Variants in ROS1 observed in about 807,000 individuals in gnomAD.
ROS1 encodes the protein proto-oncogene tyrosine-protein kinase ROS.
ROS1 carries 263 observed loss-of-function variants against 273.5 expected under a neutral mutation model. That is an observed-to-expected ratio of 0.96 (90% CI 0.87 to 1.06). The LOEUF (loss-of-function observed/expected upper bound fraction) is 1.06, where lower values mean the gene tolerates loss of function less well. Among genes scored for constraint, ROS1 ranks in the 50% least tolerant of loss-of-function variants. The pLI, the probability that ROS1 is intolerant of heterozygous loss-of-function variation, is 0.00. For synonymous variants in ROS1, 1,008 were observed against 954.1 expected (o/e 1.06, Z -1.04); for missense variants, 2,833 against 2,751.1 (o/e 1.03, Z -0.67).
intron 24 of ROS1, among the ~76,000 whole-genome samples, chr6:117,358,606 C>T (rs1386102776): frequency 3.3e-5 from 5 of 151,944 alleles, no homozygotes; most frequent in African/African-American, 4.8e-5. Context: ...ACTACAGGTG[C>T]GCACCACCAC....
intron 32 of ROS1, among the ~76,000 whole-genome samples, chr6:117,335,392 T>G (rs9385006): frequency 0.79 from 119,670 of 152,140 alleles, 47,292 homozygotes; most frequent in African/African-American, 0.84. Context: ...CTGTTGGTGG[T>G]AAAGTAAATT....
chr6:117,332,208 A>C (rs1209820911), intron 32 of ROS1, among the ~76,000 whole-genome samples: 1 of 152,204 alleles, frequency 6.6e-6, no homozygotes, highest in Non-Finnish European at 1.5e-5. Context: ...GTCTCTGACA[A>C]AACAGACTTT....
chr6:117,302,815 A>G (rs532721498), intron 42 of ROS1, among the ~76,000 whole-genome samples: 229 of 152,252 alleles, frequency 1.5e-3, no homozygotes, highest in African/African-American at 5.2e-3. Flanking sequence ...CCACTCAATG[A>G]TCTCTTTGTA....
At chr6:117,309,683 T>C (rs1385682740) in intron 41 of ROS1, among the ~76,000 whole-genome samples, 1 of 152,156 alleles carries the variant, frequency 6.6e-6, no homozygotes. Context: ...AGTGTCCTAA[T>C]CTTTTAGGAT....
At chr6:117,405,748 CTCCA>C (rs1159542967) in intron 5 of ROS1, among the ~76,000 whole-genome samples, 1 of 151,992 alleles carries the variant, frequency 6.6e-6, no homozygotes, top group Non-Finnish European at 1.5e-5. Flanking sequence ...CTAGACTGAG[CTCCA>C]TCCTATTTTC....
chr6:117,300,674 G>A (rs923814106), intron 43 of ROS1, among the ~76,000 whole-genome samples: 3 of 152,104 alleles, frequency 2.0e-5, no homozygotes, highest in African/African-American at 7.2e-5. Flanking sequence ...ACTGGTGTGT[G>A]GGGGGAGAAG....
At chr6:117,341,806 G>A (rs112908795) in intron 29 of ROS1, among the ~76,000 whole-genome samples, 174 bp from the exon 30 acceptor site, 1 of 152,104 alleles carries the variant, frequency 6.6e-6, no homozygotes, top group Non-Finnish European at 1.5e-5. Flanking sequence ...TGCCTAAAAG[G>A]CTCCCACTTA....
At chr6:117,299,011 AGC>A (rs1774471693) in intron 43 of ROS1, among the ~76,000 whole-genome samples, 2 of 140,424 alleles carry the variant, frequency 1.4e-5, no homozygotes, top group African/African-American at 5.4e-5. Flanking sequence ...ATATATAGAG[AGC>A]CCCCCAAAAG....
At chr6:117,385,545 G>A in intron 16 of ROS1, 138 bp downstream of exon 16, 1 of 752,580 alleles carries the variant, frequency 1.3e-6, no homozygotes. Context: ...TAAGTGACTT[G>A]GTTTAAAGAT....
intron 32 of ROS1, among the ~76,000 whole-genome samples, chr6:117,333,910 A>G (rs969680103): frequency 1.3e-5 from 2 of 152,196 alleles, no homozygotes; most frequent in African/African-American, 4.8e-5. Flanking sequence ...CAAAACCTGG[A>G]AGAATTCCCT....
chr6:117,351,350 T>A (rs573205566), intron 27 of ROS1, among the ~76,000 whole-genome samples: 2 of 152,256 alleles, frequency 1.3e-5, no homozygotes, highest in Admixed American at 1.3e-4. Context: ...GTGATTAGTG[T>A]ATCTTGAATG....
chr6:117,397,419 C>T, intron 7 of ROS1, among the ~76,000 whole-genome samples: 1 of 151,990 alleles, frequency 6.6e-6, no homozygotes, highest in East Asian at 1.9e-4. Flanking sequence ...TCTCTAGAGA[C>T]TTAAATGAGT....
At chr6:117,334,996 C>T (rs1447348690) in intron 32 of ROS1, among the ~76,000 whole-genome samples, 3 of 152,160 alleles carry the variant, frequency 2.0e-5, no homozygotes, top group African/African-American at 7.2e-5. Context: ...CAAATGGGAT[C>T]TAACTAAACT....
chr6:117,373,494 G>A (rs1352747086), intron 18 of ROS1, among the ~76,000 whole-genome samples: 15 of 152,236 alleles, frequency 9.9e-5, no homozygotes, highest in Admixed American at 9.8e-4. Context: ...AGTGCTGGGG[G>A]ACCTGGTGCC....
intron 11 of ROS1, among the ~76,000 whole-genome samples, chr6:117,393,731 C>A (rs1562357887): frequency 1.3e-5 from 2 of 151,924 alleles, no homozygotes; most frequent in African/African-American, 4.8e-5. Context: ...CCACCACCAA[C>A]AACAACAACA....
chr6:117,350,268 G>A (rs1778719466), intron 27 of ROS1, among the ~76,000 whole-genome samples: 1 of 151,918 alleles, frequency 6.6e-6, no homozygotes, highest in South Asian at 2.1e-4. Context: ...GGAATTCTAG[G>A]TTAGTGTTTT....
intron 18 of ROS1, 93 bp downstream of exon 18, chr6:117,378,966 G>T: frequency 2.6e-6 from 2 of 774,086 alleles, no homozygotes; most frequent in Non-Finnish European, 2.2e-6. Context: ...ACCAGAAAAT[G>T]TTTATTGAAG....
At chr6:117,314,035 C>T (rs990542248) in intron 39 of ROS1, among the ~76,000 whole-genome samples, 5 of 152,092 alleles carry the variant, frequency 3.3e-5, no homozygotes, top group Admixed American at 6.6e-5. Context: ...TGACTCAAAA[C>T]GATCTGGAAA....
chr6:117,403,308 T>G (rs777068137), intron 6 of ROS1, 31 bp from the exon 7 acceptor site: 1 of 1,602,900 alleles, frequency 6.2e-7, no homozygotes, highest in Admixed American at 1.7e-5. Flanking sequence ...TCATCAGCAT[T>G]ATAGAATCAG....
Sources: allele counts gnomAD v4.1 joint callset (sites outside exome capture counted in the v4.1 genomes callset), GRCh38; gene constraint gnomAD v4.1.1; transcripts MANE v1.5; gene names NCBI Gene and HGNC (gene_info 2026-07-23, HGNC 2026-07-21).